Variants in TNFRSF10D observed in about 807,000 individuals in gnomAD.
TNFRSF10D encodes TNF receptor superfamily member 10d.
In TNFRSF10D, 28 loss-of-function variants were observed where a neutral mutation model predicts 42.1. The observed-to-expected ratio is 0.66, with a 90% CI of 0.49 to 0.91. TNFRSF10D has a LOEUF of 0.91. Ranked by LOEUF, TNFRSF10D falls within the 40% of genes least tolerant of loss-of-function variation. TNFRSF10D has a pLI of 0.00. For synonymous variants in TNFRSF10D, 186 were observed against 189.4 expected (o/e 0.98, Z 0.15); for missense variants, 503 against 486.1 (o/e 1.03, Z -0.33).
intron 1 of TNFRSF10D, among the ~76,000 whole-genome samples, chr8:23,159,706 A>G (rs1437271488): frequency 2.0e-5 from 3 of 152,148 alleles, no homozygotes; most frequent in Admixed American, 1.3e-4. Flanking sequence ...TACTAAAAAT[A>G]CAAAAATTAG....
intron 2 of TNFRSF10D, among the ~76,000 whole-genome samples, chr8:23,150,071 A>G (rs1012454710): frequency 6.6e-6 from 1 of 152,220 alleles, no homozygotes; most frequent in Non-Finnish European, 1.5e-5. Flanking sequence ...TAAAGGCATG[A>G]TAAGCTAAGA....
In TNFRSF10D at chr8:23,138,211, A is replaced by C. The variant is rs1468650707; in HGVS notation, c.1004T>G (p.Val335Gly). The part of the protein sequence containing the change: ...GCQRRRLLVP[V>G]NDADSADIST... ...ACTGTCAGCGGAGTCAGCGTCATTC[A>C]CTGGAACCAGCAGCCTCCTCCTCTG... is the stretch of plus-strand genomic sequence containing the variant. Residue 335 changes from valine to glycine, a missense_variant, in exon 8 of 9, where the codon GTG (valine) becomes GGG (glycine). Transcript: ENST00000312584. The C allele has an allele frequency of 6.2e-7, 1 of 1,614,056 alleles. No homozygotes were observed. The highest frequency in any genetic ancestry group is 1.3e-5 in the African/African-American group (1 of 74,926).
chr8:23,159,993 T>C (rs1467911284), intron 1 of TNFRSF10D, among the ~76,000 whole-genome samples: 1 of 151,116 alleles, frequency 6.6e-6, no homozygotes, highest in Non-Finnish European at 1.5e-5. Context: ...CAATGGTGAC[T>C]CTAACCAAAC....
chr8:23,156,125 C>T (rs923662541), intron 1 of TNFRSF10D, among the ~76,000 whole-genome samples: 34 of 152,082 alleles, frequency 2.2e-4, no homozygotes, highest in Non-Finnish European at 1.0e-4. Context: ...TGTTAATTTC[C>T]TTGTTTGTAG....
Position 23,137,886 on chromosome 8 carries a change from G to GCAGA in TNFRSF10D, c.1141_1144dup (p.Ala382ValfsTer59). The GCAGA allele has an allele frequency of 6.2e-7, 1 of 1,613,948 alleles. No homozygotes were observed. The highest frequency in any genetic ancestry group is 8.5e-7 in the Non-Finnish European group (1 of 1,179,938). ...GAGATTCTTTCACAGGCAGGACGTA[G>GCAGA]CAGAGCCTGCCTCATCTTCTTCATA... On this transcript the variant is annotated frameshift_variant, in exon 9 of 9. Coordinates refer to ENST00000312584, the MANE Select transcript of TNFRSF10D (RefSeq NM_003840.5). LOFTEE classifies it high-confidence loss of function.
intron 1 of TNFRSF10D, 147 bp downstream of exon 1, chr8:23,163,639 T>C: frequency 7.6e-7 from 1 of 1,307,872 alleles, no homozygotes; most frequent in Non-Finnish European, 1.0e-6. Context: ...ACTCTTCCCC[T>C]GACTCCGACG....
chr8:23,159,669 C>G (rs1364305194), intron 1 of TNFRSF10D, among the ~76,000 whole-genome samples: 1 of 152,100 alleles, frequency 6.6e-6, no homozygotes, highest in Non-Finnish European at 1.5e-5. Context: ...CGAGACCAGC[C>G]TGGACAACAT....
intron 2 of TNFRSF10D, among the ~76,000 whole-genome samples, chr8:23,149,698 T>C (rs991150294): frequency 4.6e-5 from 7 of 152,242 alleles, no homozygotes; most frequent in Middle Eastern, 3.4e-3. Context: ...GCCTGCACCC[T>C]GGGACTGTCA....
At chr8:23,141,789 A>G (rs112279648) in intron 7 of TNFRSF10D, among the ~76,000 whole-genome samples, 24 of 152,350 alleles carry the variant, frequency 1.6e-4, no homozygotes, top group African/African-American at 5.8e-4. Context: ...TACAGTGAGA[A>G]TGGCGATTAT....
intron 2 of TNFRSF10D, among the ~76,000 whole-genome samples, chr8:23,149,934 G>A (rs1226829146): frequency 2.6e-5 from 4 of 152,140 alleles, no homozygotes; most frequent in Non-Finnish European, 5.9e-5. Flanking sequence ...CGAGGGCAGG[G>A]CCTCTTATAA....
intron 1 of TNFRSF10D, among the ~76,000 whole-genome samples, chr8:23,163,054 T>TG (rs2128840665): frequency 6.8e-6 from 1 of 147,034 alleles, no homozygotes; most frequent in East Asian, 2.1e-4. Context: ...CCTGAGTAGC[T>TG]GGGACTACAG....
intron 2 of TNFRSF10D, among the ~76,000 whole-genome samples, chr8:23,152,356 T>TACA (rs1388801652): frequency 6.6e-6 from 1 of 152,178 alleles, no homozygotes; most frequent in African/African-American, 2.4e-5. Flanking sequence ...CCCGTGGGAC[T>TACA]ACACCTTTAT....
chr8:23,151,204 G>C (rs528672412), intron 2 of TNFRSF10D, among the ~76,000 whole-genome samples: 14 of 152,240 alleles, frequency 9.2e-5, no homozygotes, highest in Non-Finnish European at 1.6e-4. Flanking sequence ...ACTACCAAAG[G>C]CTTCTCAGCA....
In TNFRSF10D at chr8:23,145,881, G is replaced by A. The variant is rs111569580; in HGVS notation, c.523C>T (p.Arg175Trp). The A allele has an allele frequency of 2.5e-3, 4,055 of 1,613,466 alleles. 50 individuals carry two copies. In the African/African-American group the frequency reaches 0.039, roughly 15 times the overall value. The change falls in exon 5 of 9, where the codon CGG becomes TGG. Residue 175 changes from arginine to tryptophan, a missense_variant. Transcript: ENST00000312584. ...GMVKVSNCTP[R>W]SDIKCKNESA... ...TCATTTTTGCACTTGATGTCACTCC[G>A]GGGCGTACAATTACTGACCTTGACC...
chr8:23,148,169 G>A (rs976090194), intron 3 of TNFRSF10D, among the ~76,000 whole-genome samples: 3 of 151,792 alleles, frequency 2.0e-5, no homozygotes, highest in Admixed American at 1.3e-4. Context: ...AACCTGGGAG[G>A]CAGAGGTTGC....
chr8:23,144,020 C>T (rs545326793), intron 7 of TNFRSF10D, among the ~76,000 whole-genome samples: 72 of 152,302 alleles, frequency 4.7e-4, no homozygotes, highest in African/African-American at 1.7e-3. Flanking sequence ...CCAGAAGCCT[C>T]CTTACATACT....
intron 1 of TNFRSF10D, among the ~76,000 whole-genome samples, chr8:23,160,189 T>C (rs957953695): frequency 6.6e-6 from 1 of 152,126 alleles, no homozygotes; most frequent in African/African-American, 2.4e-5. Flanking sequence ...TCACATGGGG[T>C]TCATCTGTCC....
intron 1 of TNFRSF10D, among the ~76,000 whole-genome samples, chr8:23,162,329 C>T (rs1307239314): frequency 6.6e-6 from 1 of 152,238 alleles, no homozygotes; most frequent in Non-Finnish European, 1.5e-5. Context: ...GGGCCACTGT[C>T]CTGACACAGC....
chr8:23,140,195 A>G (rs1814433376), intron 7 of TNFRSF10D, among the ~76,000 whole-genome samples: 1 of 152,166 alleles, frequency 6.6e-6, no homozygotes, highest in Admixed American at 6.5e-5. Context: ...AGGCTGAGGC[A>G]GGAGAATGGC....
Sources: gnomAD v4.1 joint callset for allele counts (sites outside exome capture counted in the v4.1 genomes callset) on GRCh38, gnomAD v4.1.1 for gene constraint, MANE v1.5 for transcripts, NCBI Gene and HGNC (gene_info 2026-07-23, HGNC 2026-07-21) for gene names.